The following SGCZ variants were observed in gnomAD, a reference collection of about 807,000 sequenced individuals.
SGCZ encodes zeta-sarcoglycan.
In SGCZ, 40 loss-of-function variants were observed where a neutral mutation model predicts 41.3. The ratio of observed to expected loss-of-function variants is 0.97; its 90% CI spans 0.75 to 1.26. The LOEUF is 1.26. SGCZ is among the 50% of genes most tolerant of loss of function. SGCZ has a pLI of 0.00. For missense variants in SGCZ, 552 were observed against 369.8 expected, an observed-to-expected ratio of 1.49 and a Z score of -4.04; for synonymous variants, 206 against 137.5, an observed-to-expected ratio of 1.50 and a Z score of -3.49.
At chr8:14,213,030 A>G (rs889067584) in intron 4 of SGCZ, among the ~76,000 whole-genome samples, 128 of 152,222 alleles carry the variant, frequency 8.4e-4, no homozygotes, top group African/African-American at 3.0e-3. Flanking sequence ...AACAAAAAAG[A>G]AAACTAAAAA....
At chr8:14,485,852 T>TTTTTTTA (rs1801657703) in intron 2 of SGCZ, among the ~76,000 whole-genome samples, 2 of 133,812 alleles carry the variant, frequency 1.5e-5, no homozygotes, top group African/African-American at 5.7e-5. Context: ...TTTTTTTTTT[T>TTTTTTTA]GAGACGGAGT....
intron 4 of SGCZ, among the ~76,000 whole-genome samples, chr8:14,169,436 AAGTC>A (rs1804307583): frequency 6.6e-6 from 1 of 152,086 alleles, no homozygotes; most frequent in African/African-American, 2.4e-5. Context: ...AGTAACTTCC[AAGTC>A]AGTAAATTAA....
intron 3 of SGCZ, among the ~76,000 whole-genome samples, chr8:14,322,879 T>C (rs542740467): frequency 6.6e-6 from 1 of 152,258 alleles, no homozygotes; most frequent in South Asian, 2.1e-4. Flanking sequence ...GACACTAACA[T>C]GTGTAACCAG....
At chr8:14,683,573 A>C (rs555280988) in intron 1 of SGCZ, among the ~76,000 whole-genome samples, 3 of 152,166 alleles carry the variant, frequency 2.0e-5, no homozygotes, top group Non-Finnish European at 4.4e-5. Flanking sequence ...ATTAGAAAAC[A>C]GTTTAAATTA....
At chr8:14,798,736 T>C (rs1259474889) in intron 1 of SGCZ, among the ~76,000 whole-genome samples, 1 of 150,048 alleles carries the variant, frequency 6.7e-6, no homozygotes, top group Non-Finnish European at 1.5e-5. Context: ...TTCATTTTTA[T>C]ATTAGATTAT....
chr8:14,432,514 T>C (rs770657624), intron 2 of SGCZ, among the ~76,000 whole-genome samples: 1 of 152,064 alleles, frequency 6.6e-6, no homozygotes, highest in East Asian at 1.9e-4. Context: ...ACAATGGACT[T>C]TGGGGACTCA....
intron 2 of SGCZ, among the ~76,000 whole-genome samples, chr8:14,340,270 G>T (rs1194302047): frequency 6.6e-6 from 1 of 151,980 alleles, no homozygotes. Context: ...AGCCAATTTT[G>T]TCAGTATCCA....
intron 2 of SGCZ, among the ~76,000 whole-genome samples, chr8:14,518,992 C>G (rs11988250): frequency 0.032 from 4,820 of 150,214 alleles, 252 homozygotes; most frequent in African/African-American, 0.11. Flanking sequence ...TCGCTTGAAC[C>G]CAGGAGGCAT....
At chr8:14,466,365 GAA>G (rs1243267690) in intron 2 of SGCZ, among the ~76,000 whole-genome samples, 4 of 151,984 alleles carry the variant, frequency 2.6e-5, no homozygotes, top group African/African-American at 9.7e-5. Context: ...CTTTGCATGT[GAA>G]GAGTCACTTG....
chr8:14,567,661 C>T (rs6981895), intron 1 of SGCZ, among the ~76,000 whole-genome samples: 4,501 of 152,208 alleles, frequency 0.03, 132 homozygotes, highest in African/African-American at 0.08. Flanking sequence ...TTTGTTCTTT[C>T]GCTCTTTGCA....
chr8:14,593,308 C>T (rs982720395), intron 1 of SGCZ, among the ~76,000 whole-genome samples: 3 of 152,140 alleles, frequency 2.0e-5, no homozygotes, highest in African/African-American at 7.2e-5. Flanking sequence ...GAGGAAAAGG[C>T]TACTAACCAA....
intron 5 of SGCZ, among the ~76,000 whole-genome samples, chr8:14,125,145 C>T (rs113379505): frequency 0.1 from 15,488 of 152,070 alleles, 917 homozygotes; most frequent in Middle Eastern, 0.19. Flanking sequence ...AATGAGAGGA[C>T]ACAAAGAAAT....
chr8:14,930,358 A>G (rs1190780669), intron 1 of SGCZ, among the ~76,000 whole-genome samples: 1 of 152,110 alleles, frequency 6.6e-6, no homozygotes, highest in East Asian at 1.9e-4. Context: ...GAGGATGTGG[A>G]GAAATGGGAA....
intron 6 of SGCZ, among the ~76,000 whole-genome samples, chr8:14,106,637 GTACATA>G (rs2116996007): frequency 6.6e-6 from 1 of 152,146 alleles, no homozygotes; most frequent in South Asian, 2.1e-4. Context: ...TTCCATCTGA[GTACATA>G]TACACTCATC....
intron 1 of SGCZ, among the ~76,000 whole-genome samples, chr8:14,917,358 A>G (rs1031969800): frequency 6.6e-6 from 1 of 152,076 alleles, no homozygotes; most frequent in Non-Finnish European, 1.5e-5. Flanking sequence ...TTATTTATTC[A>G]TATCGTAACT....
intron 1 of SGCZ, among the ~76,000 whole-genome samples, chr8:14,921,037 G>T (rs980879960): frequency 6.6e-6 from 1 of 152,150 alleles, no homozygotes; most frequent in African/African-American, 2.4e-5. Context: ...TGGATTTAGG[G>T]TAAAAAGGTC....
intron 3 of SGCZ, among the ~76,000 whole-genome samples, chr8:14,264,266 TG>T (rs1799783284): frequency 6.6e-6 from 1 of 152,170 alleles, no homozygotes; most frequent in Admixed American, 6.5e-5. Context: ...ACAGGGATGC[TG>T]TGTGTTTAAG....
At chr8:14,876,602 A>T (rs1051220510) in intron 1 of SGCZ, among the ~76,000 whole-genome samples, 7 of 152,220 alleles carry the variant, frequency 4.6e-5, no homozygotes, top group Non-Finnish European at 7.3e-5. Flanking sequence ...ATCTCGCCGT[A>T]AAGCTCTAAA....
intron 1 of SGCZ, among the ~76,000 whole-genome samples, chr8:15,149,216 T>C (rs1187359705): frequency 6.6e-6 from 1 of 152,098 alleles, no homozygotes; most frequent in African/African-American, 2.4e-5. Context: ...CCTTCAAACA[T>C]TATCCCATTA....
Sources: allele counts gnomAD v4.1 joint callset (sites outside exome capture counted in the v4.1 genomes callset), GRCh38; gene constraint gnomAD v4.1.1; transcripts MANE v1.5; gene names NCBI Gene and HGNC (gene_info 2026-07-23, HGNC 2026-07-21).